The following CACNA1H variants were observed in gnomAD, a reference collection of about 807,000 sequenced individuals.
The protein encoded by CACNA1H is voltage-dependent T-type calcium channel subunit alpha-1H.
CACNA1H carries 149 observed loss-of-function variants against 192.5 expected under a neutral mutation model. The observed-to-expected ratio is 0.77, with a 90% CI of 0.68 to 0.89. The LOEUF is 0.89. Among genes scored for constraint, CACNA1H ranks in the 40% least tolerant of loss-of-function variants. CACNA1H has a pLI of 0.00. For synonymous variants in CACNA1H, 2,202 were observed against 1,475.2 expected, an observed-to-expected ratio of 1.49 and a Z score of -11.29; for missense variants, 4,257 against 3,423.5, an observed-to-expected ratio of 1.24 and a Z score of -6.08.
chr16:1,218,442 G>A lies in CACNA1H; in HGVS notation c.5678G>A (p.Arg1893Gln), dbSNP rs374710554. ...GCGCAGGGCCCCGGGAGTGCACGCC[G>A]GGTGGACGCGGACAGGCCTCCCTTG... ...EMAQGPGSAR[R>Q]VDADRPPLPQ... Residue 1893 changes from arginine to glutamine, a missense_variant, in exon 33 of 35, where the codon CGG becomes CAG. Physicochemically the swap from Arg to Gln is conservative, Grantham distance 43 (BLOSUM62 1). Transcript: ENST00000348261. 53 of 1,551,990 alleles carry A rather than the reference G, an allele frequency of 3.4e-5. No individual in the cohort carries two copies. The African/African-American group carries it at 6.3e-4, about 18-fold the overall frequency.
At chr16:1,181,947 C>T (rs80154524) in intron 2 of CACNA1H, among the ~76,000 whole-genome samples, 2,532 of 149,886 alleles carry the variant, frequency 0.017, 69 homozygotes, top group African/African-American at 0.057. Flanking sequence ...CACACACGCC[C>T]CCTCGCACAC....
At chr16:1,179,445 C>T (rs990030516) in intron 2 of CACNA1H, among the ~76,000 whole-genome samples, 3 of 152,140 alleles carry the variant, frequency 2.0e-5, no homozygotes, top group Non-Finnish European at 2.9e-5. Flanking sequence ...TTCCGTCCTC[C>T]TCATTTATTT....
intron 2 of CACNA1H, among the ~76,000 whole-genome samples, chr16:1,178,262 C>T (rs62012317): frequency 0.023 from 3,383 of 145,032 alleles, 66 homozygotes; most frequent in Non-Finnish European, 0.035. Context: ...TCCTTGGATC[C>T]CTCCATGGTC....
In CACNA1H at chr16:1,216,927, T is replaced by A. The variant is rs773301731; in HGVS notation, c.5245-5T>A. 6.3e-7 allele frequency: 1 copy of A among 1,599,586 alleles called. No individual in the cohort carries two copies. Among genetic ancestry groups the A allele is most frequent in the South Asian group, 1.1e-5 (1 of 88,534 alleles). On this transcript the variant is annotated splice_polypyrimidine_tract_variant and splice_region_variant and intron_variant, in intron 30 of 34. Transcript: ENST00000348261. ...CTGACCCAGCTCTGCTTCTCTCTTGTGTAGGTGGGGAACCTGGGCCTTCTT... is the reference window on the plus strand; with the variant it reads ...CTGACCCAGCTCTGCTTCTCTCTTGAGTAGGTGGGGAACCTGGGCCTTCTT...
At chr16:1,154,397 C>A (rs1019812478) in intron 2 of CACNA1H, among the ~76,000 whole-genome samples, 3 of 152,120 alleles carry the variant, frequency 2.0e-5, no homozygotes, top group African/African-American at 4.8e-5. Context: ...GAATTTCCCC[C>A]TTGCCCACCC....
chr16:1,178,113 CT>C (rs1407262615), intron 2 of CACNA1H, among the ~76,000 whole-genome samples: 1 of 118,238 alleles, frequency 8.5e-6, no homozygotes, highest in Admixed American at 8.0e-5. Context: ...CCCCCGCCCC[CT>C]CTCCCTGGGG....
At chr16:1,186,499 C>T (rs1966075364) in intron 2 of CACNA1H, among the ~76,000 whole-genome samples, 1 of 152,106 alleles carries the variant, frequency 6.6e-6, no homozygotes, top group Non-Finnish European at 1.5e-5. Flanking sequence ...CCTGAGTGCC[C>T]TCGTCTTGTC....
chr16:1,160,691 G>A (rs573995896), intron 2 of CACNA1H, among the ~76,000 whole-genome samples: 10 of 152,296 alleles, frequency 6.6e-5, no homozygotes, highest in South Asian at 4.1e-4. Context: ...TGGCGGGGCC[G>A]TGAGAGCCCC....
intron 2 of CACNA1H, chr16:1,157,230 C>T (rs1596282758): frequency 6.6e-6 from 1 of 152,186 alleles, no homozygotes; most frequent in African/African-American, 2.4e-5. Flanking sequence ...GTGTAGGGAC[C>T]AGAAGGTGAC....
intron 2 of CACNA1H, among the ~76,000 whole-genome samples, chr16:1,177,582 GGCTTGGGAGGGGGCGTCCTAGTGT>G (rs1478353175): frequency 7.9e-5 from 12 of 152,182 alleles, no homozygotes; most frequent in Non-Finnish European, 1.8e-4. Flanking sequence ...CCCCAGGACA[GGCTTGGGAGGGGGCGTCCTAGTGT>G]GCTTGGGCTG....
chr16:1,196,016 C>T lies in CACNA1H; in HGVS notation c.636C>T (p.Arg212=), dbSNP rs748157994. 1 of 1,612,348 alleles carries T rather than the reference C, an allele frequency of 6.2e-7. No homozygotes were observed. The highest frequency in any genetic ancestry group is 1.3e-5 in the African/African-American group (1 of 74,946). Residue 212 remains arginine (R), a synonymous_variant, in exon 5 of 35, where the codon CGC becomes CGT. Transcript: ENST00000348261. The part of the protein sequence containing the change: ...RVLRPLRAIN[R]VPSMRILVTL... ...TGCGGCCCCTCCGCGCCATCAACCG[C>T]GTGCCTAGTAAGTGACCGGCCCCGA...
intron 16 of CACNA1H, 52 bp from the exon 17 acceptor site, chr16:1,208,980 G>T: frequency 7.1e-7 from 1 of 1,407,006 alleles, no homozygotes. Context: ...TAATGACAGC[G>T]GTCGGTGCTA....
rs1967312716 is a variant in CACNA1H at position 1,198,780 on chromosome 16, C to T, written c.803+6C>T. 1.2e-6 allele frequency: 2 copies of T among 1,607,014 alleles called. No individual in the cohort carries two copies. The highest frequency in any genetic ancestry group is 1.3e-5 in the African/African-American group (1 of 74,798). Reference sequence around the variant, plus strand: ...CTGGACAGTGCCTTTGTCAGGTGCCCAGGCCCCACCCCCGTGAGGCCCCTG... The same window carrying T: ...CTGGACAGTGCCTTTGTCAGGTGCCTAGGCCCCACCCCCGTGAGGCCCCTG... On this transcript the variant is annotated splice_donor_region_variant and intron_variant, in intron 6 of 34. Transcript: ENST00000348261.
At chr16:1,173,413 G>A (rs975725402) in intron 2 of CACNA1H, among the ~76,000 whole-genome samples, 4 of 152,226 alleles carry the variant, frequency 2.6e-5, no homozygotes, top group African/African-American at 9.6e-5. Flanking sequence ...GCCCCTTCAC[G>A]CTGGTGCGGA....
At chr16:1,205,341 A>G (rs772841610) in intron 11 of CACNA1H, 76 bp downstream of exon 11, 84 of 1,444,512 alleles carry the variant, frequency 5.8e-5, no homozygotes, top group Non-Finnish European at 6.9e-5. Context: ...CCTGCAGAGC[A>G]AAACCCAGAG....
In CACNA1H at chr16:1,210,787, G is replaced by C; in HGVS notation, c.4039G>C (p.Val1347Leu). 1.2e-6 allele frequency: 2 copies of C among 1,600,454 alleles called. No individual in the cohort carries two copies. Among genetic ancestry groups the C allele is most frequent in the Admixed American group, 1.7e-5 (1 of 59,988 alleles). Residue 1347 changes from valine to leucine, a missense_variant and splice_region_variant, in exon 21 of 35, where the codon GTG becomes CTG. Val to Leu is a conservative substitution (Grantham distance 32). Transcript: ENST00000348261. ...AIFVAEMMVK[V>L]VALGLLSGEH... ...GCTCAGTGCCATTGGCCCTCCGCAG[G>C]TGGTGGCCCTGGGGCTGCTGTCCGG...
intron 2 of CACNA1H, among the ~76,000 whole-genome samples, chr16:1,184,952 C>T (rs780481940): frequency 3.3e-5 from 5 of 152,160 alleles, no homozygotes; most frequent in Non-Finnish European, 7.3e-5. Flanking sequence ...CACGGGTTAG[C>T]GACCTTCGTG....
chr16:1,175,609 G>A (rs1013240173), intron 2 of CACNA1H, among the ~76,000 whole-genome samples: 1 of 152,172 alleles, frequency 6.6e-6, no homozygotes, highest in Non-Finnish European at 1.5e-5. Flanking sequence ...CTGACAGCTG[G>A]CCCCGTCCAT....
At chr16:1,218,912 GGCA>G (rs1970252602) in intron 33 of CACNA1H, 55 bp from the exon 34 acceptor site, 5 of 1,526,484 alleles carry the variant, frequency 3.3e-6, no homozygotes, top group African/African-American at 1.4e-5. Context: ...GGGGGTGGGT[GGCA>G]GCTGGGCAGG....
Sources: gnomAD v4.1 joint callset for allele counts (sites outside exome capture counted in the v4.1 genomes callset) on GRCh38, gnomAD v4.1.1 for gene constraint, MANE v1.5 for transcripts, NCBI Gene and HGNC (gene_info 2026-07-23, HGNC 2026-07-21) for gene names.